DPP10: variants seen among roughly 807,000 people sequenced by gnomAD.
DPP10 encodes dipeptidyl peptidase like 10.
DPP10 carries 33 observed loss-of-function variants against 120.9 expected under a neutral mutation model. The observed-to-expected ratio is 0.27, with a 90% confidence interval of 0.21 to 0.37. The LOEUF is 0.37. DPP10 is among the 10% of genes least tolerant of loss of function. The pLI, the probability that DPP10 is intolerant of heterozygous loss-of-function variation, is 1.00. For synonymous variants in DPP10, 337 were observed against 326.1 expected, an observed-to-expected ratio of 1.03 and a Z score of -0.36; for missense variants, 816 against 942.8, an observed-to-expected ratio of 0.87 and a Z score of 1.76.
chr2:115,374,374 G>A (rs2065632267), intron 3 of DPP10, among the ~76,000 whole-genome samples: 1 of 152,130 alleles, frequency 6.6e-6, no homozygotes, highest in South Asian at 2.1e-4. Flanking sequence ...CAACATCTTG[G>A]GCTGCTCTTC....
At chr2:115,280,714 G>A (rs959137344) in intron 1 of DPP10, among the ~76,000 whole-genome samples, 2 of 152,198 alleles carry the variant, frequency 1.3e-5, no homozygotes, top group Admixed American at 1.3e-4. Context: ...TTCCCATTCA[G>A]TGTGATCTAT....
intron 7 of DPP10, among the ~76,000 whole-genome samples, chr2:115,715,339 CAAA>C (rs546857779): frequency 6.9e-4 from 47 of 67,638 alleles, no homozygotes; most frequent in African/African-American, 2.3e-3. Context: ...AACTCCGTCT[CAAA>C]AAAAAAAAAA....
intron 5 of DPP10, among the ~76,000 whole-genome samples, chr2:115,556,364 G>GC (rs2080211634): frequency 7.8e-6 from 1 of 128,688 alleles, no homozygotes; most frequent in Non-Finnish European, 1.6e-5. Context: ...TTTTTGGCAG[G>GC]TTTTTTTTTT....
At chr2:114,965,988 GAAAA>G (rs986483217) in intron 1 of DPP10, among the ~76,000 whole-genome samples, 497 of 99,930 alleles carry the variant, frequency 5.0e-3, no homozygotes, top group Non-Finnish European at 7.4e-3. Context: ...AAAAAAAAAA[GAAAA>G]AAAAAGAAAA....
intron 1 of DPP10, among the ~76,000 whole-genome samples, chr2:114,864,856 C>T (rs1170750768): frequency 6.6e-6 from 1 of 151,760 alleles, no homozygotes; most frequent in Non-Finnish European, 1.5e-5. Flanking sequence ...TGGGTAGAAC[C>T]TTGCCAAGAT....
intron 3 of DPP10, among the ~76,000 whole-genome samples, chr2:115,397,563 G>A (rs754925920): frequency 6.6e-6 from 1 of 152,094 alleles, no homozygotes; most frequent in Non-Finnish European, 1.5e-5. Flanking sequence ...GTTTGAAAGT[G>A]GTCACCCAAG....
chr2:115,511,901 A>T (rs975651612), intron 4 of DPP10, among the ~76,000 whole-genome samples: 44 of 150,532 alleles, frequency 2.9e-4, no homozygotes, highest in Non-Finnish European at 4.7e-4. Flanking sequence ...TAATTTTTTT[A>T]AAAAAAGTTT....
At chr2:115,270,635 A>G (rs2059659850) in intron 1 of DPP10, among the ~76,000 whole-genome samples, 1 of 152,128 alleles carries the variant, frequency 6.6e-6, no homozygotes, top group South Asian at 2.1e-4. Flanking sequence ...TGGGGAGAGG[A>G]AGATTTAACT....
At chr2:115,758,468 A>C (rs1333617154) in intron 11 of DPP10, among the ~76,000 whole-genome samples, 6 of 152,136 alleles carry the variant, frequency 3.9e-5, no homozygotes, top group Non-Finnish European at 5.9e-5. Flanking sequence ...AATAAATGGA[A>C]GCTATTCCAT....
At chr2:115,733,839 C>G (rs1325223195) in intron 8 of DPP10, among the ~76,000 whole-genome samples, 1 of 152,100 alleles carries the variant, frequency 6.6e-6, no homozygotes, top group East Asian at 1.9e-4. Flanking sequence ...GTGAGATTTT[C>G]TAAATCAGAG....
chr2:114,626,094 AT>A (rs552423995), intron 1 of DPP10, among the ~76,000 whole-genome samples: 205 of 145,878 alleles, frequency 1.4e-3, no homozygotes, highest in South Asian at 0.01. Flanking sequence ...TCAATCCTTC[AT>A]TTTTTTTTTT....
chr2:115,054,563 T>C (rs1705751223), intron 1 of DPP10, among the ~76,000 whole-genome samples: 1 of 152,238 alleles, frequency 6.6e-6, no homozygotes, highest in African/African-American at 2.4e-5. Flanking sequence ...TAAAGTTTAC[T>C]TGCTTAATTT....
chr2:115,383,890 T>C (rs969993710), intron 3 of DPP10, among the ~76,000 whole-genome samples: 4 of 152,192 alleles, frequency 2.6e-5, no homozygotes, highest in Non-Finnish European at 5.9e-5. Context: ...GCTACTTTGC[T>C]GAAAGACTGC....
At chr2:114,649,481 T>G (rs1696408617) in intron 1 of DPP10, among the ~76,000 whole-genome samples, 1 of 151,976 alleles carries the variant, frequency 6.6e-6, no homozygotes, top group African/African-American at 2.4e-5. Flanking sequence ...CCCGAGTAGC[T>G]GGGACTACAG....
chr2:114,532,296 T>TATATACATACACACACACAC (rs1342125338), intron 1 of DPP10, among the ~76,000 whole-genome samples: 1 of 74,758 alleles, frequency 1.3e-5, no homozygotes, highest in African/African-American at 6.6e-5. Flanking sequence ...TATATATATA[T>TATATACATACACACACACAC]ACACACACAC....
At chr2:115,497,914 G>A (rs34559324) in intron 3 of DPP10, among the ~76,000 whole-genome samples, 32,260 of 151,762 alleles carry the variant, frequency 0.21, 3,937 homozygotes, top group East Asian at 0.39. Flanking sequence ...TATTTGTTCT[G>A]CATCAACAGA....
rs185613177 is a variant in DPP10 at position 114,969,246 on chromosome 2, G to A, written c.61-339993G>A. Among the ~76,000 whole-genome samples the A allele has an allele frequency of 2.2e-3, 337 of 152,254 alleles. 3 individuals carry two copies. The highest frequency in any genetic ancestry group is 3.4e-3 in the Middle Eastern group (1 of 294). On this transcript the variant is annotated intron_variant, in intron 1 of 25. Coordinates refer to ENST00000410059, the MANE Select transcript of DPP10 (RefSeq NM_020868.6). ...TGAATTATTACAGTAAATGTGTGAC[G>A]TGGTATAAAAAACAGAACTACATAA...
At chr2:115,025,237 T>C (rs566784277) in intron 1 of DPP10, among the ~76,000 whole-genome samples, 1 of 152,036 alleles carries the variant, frequency 6.6e-6, no homozygotes, top group Admixed American at 6.6e-5. Flanking sequence ...CACACATATA[T>C]GTAAGAACAG....
chr2:115,555,504 A>G (rs779051278), intron 5 of DPP10, among the ~76,000 whole-genome samples: 1 of 152,088 alleles, frequency 6.6e-6, no homozygotes, highest in African/African-American at 2.4e-5. Context: ...ATGCAGACTC[A>G]TCTCTCAGTA....
Sources: gnomAD v4.1 joint callset for allele counts (sites outside exome capture counted in the v4.1 genomes callset) on GRCh38, gnomAD v4.1.1 for gene constraint, MANE v1.5 for transcripts, NCBI Gene and HGNC (gene_info 2026-07-23, HGNC 2026-07-21) for gene names.